GOLGA5: variants seen among roughly 807,000 people sequenced by gnomAD.
GOLGA5 encodes golgin subfamily A member 5.
In GOLGA5, 50 loss-of-function variants were observed where a neutral mutation model predicts 93.5. The observed-to-expected ratio is 0.53, with a 90% confidence interval of 0.43 to 0.68. The LOEUF (loss-of-function observed/expected upper bound fraction) is 0.68, where lower values mean the gene tolerates loss of function less well. Ranked by LOEUF, GOLGA5 falls within the 30% of genes least tolerant of loss-of-function variation. The pLI is 0.00. For synonymous variants in GOLGA5, 312 were observed against 304.5 expected (o/e 1.02, Z -0.26); for missense variants, 760 against 856.4 (o/e 0.89, Z 1.40).
chr14:92,798,964 C>T (rs1338679792), intron 2 of GOLGA5, among the ~76,000 whole-genome samples: 3 of 152,098 alleles, frequency 2.0e-5, no homozygotes, highest in African/African-American at 7.2e-5. Flanking sequence ...TAGGTTCTTG[C>T]AGGGATTCTT....
chr14:92,807,105 G>C (rs1370781594), intron 3 of GOLGA5, 142 bp downstream of exon 3: 14 of 591,858 alleles, frequency 2.4e-5, no homozygotes, highest in Admixed American at 1.2e-4. Context: ...TTCAAGACCA[G>C]TCTGGCCAAC....
At chr14:92,807,264 T>A (rs1885008738) in intron 3 of GOLGA5, among the ~76,000 whole-genome samples, 1 of 152,078 alleles carries the variant, frequency 6.6e-6, no homozygotes, top group Non-Finnish European at 1.5e-5. Flanking sequence ...ATTGCACTAC[T>A]GCACTCTAGT....
intron 6 of GOLGA5, among the ~76,000 whole-genome samples, chr14:92,812,353 C>G (rs371464263): frequency 3.2e-4 from 49 of 152,268 alleles, no homozygotes; most frequent in African/African-American, 1.2e-3. Flanking sequence ...GTGTGCCTCT[C>G]TGCTGCTGCT....
intron 9 of GOLGA5, among the ~76,000 whole-genome samples, chr14:92,830,115 T>G (rs535032042): frequency 4.5e-4 from 68 of 152,268 alleles, no homozygotes; most frequent in Middle Eastern, 6.8e-3. Context: ...GGTCAGGAGT[T>G]CGAGACTAGC....
chr14:92,799,585 T>A lies in GOLGA5; in HGVS notation c.544+1604T>A, dbSNP rs571308505. 6.8e-5 allele frequency among the ~76,000 whole-genome samples: 10 copies of A among 146,480 alleles called. No homozygotes were observed. In the South Asian group the frequency reaches 2.2e-3, roughly 32 times the overall value. ...AGGCGTGAGCCACTGTGCCTGGCCT[T>A]TTTTAATGTTTTTATTTATTTATTT... On this transcript the variant is annotated intron_variant, in intron 2 of 12. Coordinates refer to ENST00000163416, the MANE Select transcript of GOLGA5 (RefSeq NM_005113.4).
intron 10 of GOLGA5, among the ~76,000 whole-genome samples, chr14:92,834,016 TATC>T (rs1320740336): frequency 3.3e-5 from 5 of 151,412 alleles, no homozygotes; most frequent in South Asian, 2.1e-4. Context: ...AATGTATAAT[TATC>T]ATTTTATTTG....
chr14:92,804,938 G>T (rs1000240339), intron 2 of GOLGA5, among the ~76,000 whole-genome samples: 1 of 152,102 alleles, frequency 6.6e-6, no homozygotes. Context: ...GAGCCACCAC[G>T]CCCTGCCAAC....
In GOLGA5 at chr14:92,819,781, C is replaced by T; in HGVS notation, c.1565C>T (p.Ala522Val). 1 of 1,613,840 alleles carries T rather than the reference C, an allele frequency of 6.2e-7. No homozygotes were observed. Among genetic ancestry groups the T allele is most frequent in the Non-Finnish European group, 8.5e-7 (1 of 1,179,754 alleles). The change falls in exon 8 of 13, where the codon GCT (alanine) becomes GTT (valine). Residue 522 changes from alanine (A) to valine (V), a missense_variant. Coordinates refer to ENST00000163416, the MANE Select transcript of GOLGA5 (RefSeq NM_005113.4). The part of the protein sequence containing the change: ...EQLQDLHDQI[A>V]GQKASKQELE... The stretch of plus-strand genomic sequence containing the variant: ...TTACAGGATCTGCATGACCAAATAG[C>T]TGGGCAGAAAGCATCCAAACAAGAA...
chr14:92,803,852 C>T (rs148795457), intron 2 of GOLGA5, among the ~76,000 whole-genome samples: 485 of 152,228 alleles, frequency 3.2e-3, no homozygotes, highest in Middle Eastern at 0.014. Context: ...TTTAAAACAG[C>T]TTTAATGAAG....
At chr14:92,802,288 T>C (rs987853253) in intron 2 of GOLGA5, among the ~76,000 whole-genome samples, 6 of 152,334 alleles carry the variant, frequency 3.9e-5, no homozygotes, top group African/African-American at 1.2e-4. Flanking sequence ...CAATTATATG[T>C]GGTATTCCTT....
In GOLGA5 at chr14:92,797,714, G is replaced by A. The variant is rs141029204; in HGVS notation, c.277G>A (p.Glu93Lys). 445 of 1,614,130 alleles carry A rather than the reference G, an allele frequency of 2.8e-4. 1 individual carries two copies. Among genetic ancestry groups the A allele is most frequent in the South Asian group, 3.8e-4 (35 of 91,084 alleles). ...NVKVGSRTPV[E>K]ASHPVENASV... Reference sequence around the variant, plus strand: ...GAAAGTAGGATCTCGGACACCAGTAGAGGCCTCTCATCCTGTTGAAAATGC... The same window carrying A: ...GAAAGTAGGATCTCGGACACCAGTAAAGGCCTCTCATCCTGTTGAAAATGC... The change falls in exon 2 of 13, where the codon GAG becomes AAG. Residue 93 changes from glutamate to lysine, a missense_variant. Coordinates refer to ENST00000163416, the MANE Select transcript of GOLGA5 (RefSeq NM_005113.4).
intron 9 of GOLGA5, among the ~76,000 whole-genome samples, chr14:92,831,397 AAACT>A (rs1162163715): frequency 1.3e-5 from 2 of 152,246 alleles, no homozygotes; most frequent in African/African-American, 2.4e-5. Context: ...ACCATTCGTC[AAACT>A]AACACAACTC....
chr14:92,819,474 A>AG (rs1436435060), intron 7 of GOLGA5, among the ~76,000 whole-genome samples: 3 of 151,916 alleles, frequency 2.0e-5, no homozygotes, highest in African/African-American at 7.3e-5. Context: ...TAAAAAAAAA[A>AG]AAAAAAACTT....
At chr14:92,835,523 A>T in intron 10 of GOLGA5, 36 bp from the exon 11 acceptor site, 1 of 1,376,610 alleles carries the variant, frequency 7.3e-7, no homozygotes, top group East Asian at 2.3e-5. Context: ...GTTAATTTTT[A>T]TGTCAGTACA....
At chr14:92,820,414 T>TC (rs1433575988) in intron 8 of GOLGA5, among the ~76,000 whole-genome samples, 8 of 152,228 alleles carry the variant, frequency 5.3e-5, no homozygotes, top group African/African-American at 1.9e-4. Context: ...GCGGTTTTTC[T>TC]CCTATCTCAG....
At chr14:92,815,203 T>G (rs1885177756) in intron 6 of GOLGA5, among the ~76,000 whole-genome samples, 1 of 152,232 alleles carries the variant, frequency 6.6e-6, no homozygotes, top group Non-Finnish European at 1.5e-5. Context: ...CTTACAGACT[T>G]TGTGTGCTTT....
At chr14:92,800,911 G>C (rs769046522) in intron 2 of GOLGA5, among the ~76,000 whole-genome samples, 9 of 152,190 alleles carry the variant, frequency 5.9e-5, no homozygotes, top group Admixed American at 3.3e-4. Context: ...TAATACACAG[G>C]AGTTATAAAA....
intron 1 of GOLGA5, among the ~76,000 whole-genome samples, chr14:92,795,740 C>A (rs1403232979): frequency 6.6e-6 from 1 of 151,696 alleles, no homozygotes; most frequent in Admixed American, 6.6e-5. Context: ...TAAAAAAATA[C>A]GTAATTATAA....
intron 7 of GOLGA5, 102 bp from the exon 8 acceptor site, chr14:92,819,606 C>A: frequency 1.8e-6 from 2 of 1,093,648 alleles, no homozygotes; most frequent in Non-Finnish European, 2.7e-6. Flanking sequence ...GCACTCCAGC[C>A]TGGGTGACGT....
Sources: allele counts gnomAD v4.1 joint callset (sites outside exome capture counted in the v4.1 genomes callset), GRCh38; gene constraint gnomAD v4.1.1; transcripts MANE v1.5; gene names NCBI Gene and HGNC (gene_info 2026-07-23, HGNC 2026-07-21).